HLX: variants seen among roughly 807,000 people sequenced by gnomAD.
HLX encodes H2.0 like homeobox.
In HLX, 6 loss-of-function variants were observed where a neutral mutation model predicts 27.7. The observed-to-expected ratio is 0.22, with a 90% CI of 0.12 to 0.43. The LOEUF (loss-of-function observed/expected upper bound fraction) is 0.43, where lower values mean the gene tolerates loss of function less well. HLX is among the 20% of genes least tolerant of loss of function. The probability of loss-of-function intolerance (pLI) is 1.00; values close to 1 mark genes in which losing one functional copy is unlikely to be tolerated. For missense variants in HLX, 666 were observed against 655.2 expected (o/e 1.02, Z -0.18); for synonymous variants, 328 against 293.8 (o/e 1.12, Z -1.19).
At chr1:220,883,303 A>G (rs1448279736) in intron 3 of HLX, 1 of 148,906 alleles carries the variant, frequency 6.7e-6, no homozygotes, top group Admixed American at 6.7e-5. Context: ...ACACACACAC[A>G]CACACACACA....
At position 220,880,088 on chromosome 1, in the gene HLX, C is replaced by A; in HGVS notation, c.231C>A (p.Gly77=). The change falls in exon 1 of 4, where the codon GGC becomes GGA. Residue 77 remains glycine (G), a synonymous_variant. Transcript: ENST00000366903. ...CCGCCGCCCTCACCGCGCACTTGGG[C>A]TCGGTTCACCCGCACGCCTCTTTCC... ...ASAAALTAHL[G]SVHPHASFQA... 6.3e-7 allele frequency: 1 copy of A among 1,594,838 alleles called. No individual in the cohort carries two copies.
intron 3 of HLX, 110 bp downstream of exon 3, chr1:220,882,458 G>C (rs1674478573): frequency 1.1e-6 from 1 of 950,048 alleles, no homozygotes; most frequent in South Asian, 1.5e-5. Context: ...CGGTGCAAAC[G>C]CAAGATCTTG....
Position 220,882,327 on chromosome 1 carries a change from G to C in HLX, c.936G>C (p.Met312Ile). The C allele has an allele frequency of 1.2e-6, 2 of 1,614,252 alleles. No individual in the cohort carries two copies. The highest frequency in any genetic ancestry group is 1.7e-6 in the Non-Finnish European group (2 of 1,180,044). The stretch of plus-strand genomic sequence containing the variant: ...CGGACCGAAAGCAGCTGGCGGCGAT[G>C]CTGGGCCTCACGGACGCACAGGTAA... ...TKPDRKQLAA[M>I]LGLTDAQVKV... The change falls in exon 3 of 4, where the codon ATG becomes ATC. Residue 312 changes from methionine to isoleucine, a missense_variant. By Grantham distance (10) the Met-to-Ile change is conservative (BLOSUM62 1). Coordinates refer to ENST00000366903, the MANE Select transcript of HLX (RefSeq NM_021958.4).
rs1464864811 is a variant in HLX, at chr1:220,880,348, G to T, written c.491G>T (p.Gly164Val). 1.2e-6 allele frequency: 2 copies of T among 1,614,054 alleles called. No individual in the cohort carries two copies. Among genetic ancestry groups the T allele is most frequent in the Admixed American group, 3.3e-5 (2 of 60,024 alleles). ...GTGGTTCCGAACCCCCACCACAGTGGCTCTGCCCCGGCCCCCTCCAGCAAA... is the reference window on the plus strand; with the variant it reads ...GTGGTTCCGAACCCCCACCACAGTGTCTCTGCCCCGGCCCCCTCCAGCAAA... Reference protein sequence around the residue: ...TRVVPNPHHSGSAPAPSSKDL... With the variant: ...TRVVPNPHHSVSAPAPSSKDL... The change falls in exon 1 of 4, where the codon GGC becomes GTC. Residue 164 changes from glycine (G) to valine (V), a missense_variant. By Grantham distance (109) the Gly-to-Val change is moderately radical. Coordinates refer to ENST00000366903, the MANE Select transcript of HLX (RefSeq NM_021958.4).
Position 220,879,708 on chromosome 1 carries a change from C to G in HLX, c.-150C>G. The G allele has an allele frequency of 3.2e-6, 4 of 1,251,566 alleles. No individual in the cohort carries two copies. The highest frequency in any genetic ancestry group is 4.2e-6 in the Non-Finnish European group (4 of 951,806). 77.5% of individuals were successfully genotyped at this position (1,251,566 alleles called of 1,614,324 possible). On this transcript the variant is annotated 5_prime_UTR_variant, in exon 1 of 4. Transcript: ENST00000366903. ...CTCCTCCCTCGGTGGCGCTAGGGCTCCCGGCCTCTCTTCCTCAGTGCGGGC... is the reference window on the plus strand; with the variant it reads ...CTCCTCCCTCGGTGGCGCTAGGGCTGCCGGCCTCTCTTCCTCAGTGCGGGC...
chr1:220,884,023 G>T lies in HLX; in HGVS notation c.958-172G>T. ...TTCCTGGCTTCTTGTGTTCCCCTGG[G>T]CTGCCCCTTGGCTCCTGCGCCTACC... On this transcript the variant is annotated intron_variant, in intron 3 of 3. Transcript: ENST00000366903. This position sits in a 1 kb window ranked among gnomAD's most constrained non-coding sequence, Gnocchi z 4.9. 1 of 670,886 alleles carries T rather than the reference G, an allele frequency of 1.5e-6. No individual in the cohort carries two copies. Among genetic ancestry groups the T allele is most frequent in the Non-Finnish European group, 2.6e-6 (1 of 384,664 alleles). The allele number at this position is 670,886 out of a possible 1,614,324, so 41.6% of individuals were successfully genotyped here.
intron 3 of HLX, 64 bp downstream of exon 3, chr1:220,882,412 G>A: frequency 1.3e-5 from 19 of 1,492,678 alleles, no homozygotes; most frequent in Non-Finnish European, 1.8e-5. Flanking sequence ...GGCCTAGTCT[G>A]GTAGGTCCCC....
Position 220,879,741 on chromosome 1 carries a change from C to G in HLX, c.-117C>G, listed in dbSNP as rs1375275354. On this transcript the variant is annotated 5_prime_UTR_variant, in exon 1 of 4. Coordinates refer to ENST00000366903, the MANE Select transcript of HLX (RefSeq NM_021958.4). ...CTCTTCCTCAGTGCGGGCGGAGAAG[C>G]GAAAGCGGATCGTCCTCGGCTGCCG... is the stretch of plus-strand genomic sequence containing the variant. 10 of 1,411,790 alleles carry G rather than the reference C, an allele frequency of 7.1e-6. No individual in the cohort carries two copies. Among genetic ancestry groups the G allele is most frequent in the Admixed American group, 2.9e-5 (1 of 34,702 alleles). The allele number at this position is 1,411,790 out of a possible 1,614,324, so 87.5% of individuals were successfully genotyped here. A position where few individuals can be genotyped will look rare whatever the true frequency, so the allele number is the denominator to read the frequency against.
At chr1:220,881,538 C>T (rs1342782895) in intron 2 of HLX, 165 bp downstream of exon 2, 2 of 717,236 alleles carry the variant, frequency 2.8e-6, no homozygotes, top group Non-Finnish European at 2.5e-6. Flanking sequence ...CGAGCTAGCG[C>T]TCGCTTCGGA....
At chr1:220,881,569 T>G in intron 2 of HLX, 196 bp downstream of exon 2, 2 of 630,270 alleles carry the variant, frequency 3.2e-6, no homozygotes. Flanking sequence ...TGAAAAGGGG[T>G]AGAGGCGCCT....
In HLX at chr1:220,879,715, T is replaced by G. The variant is rs563513480; in HGVS notation, c.-143T>G. 4.6e-6 allele frequency: 6 copies of G among 1,293,682 alleles called. No individual in the cohort carries two copies. Among genetic ancestry groups the G allele is most frequent in the Non-Finnish European group, 6.1e-6 (6 of 990,308 alleles). The allele number at this position is 1,293,682 out of a possible 1,614,324, so 80.1% of individuals were successfully genotyped here. A position where few individuals can be genotyped will look rare whatever the true frequency, so the allele number is the denominator to read the frequency against. The stretch of plus-strand genomic sequence containing the variant: ...CTCGGTGGCGCTAGGGCTCCCGGCC[T>G]CTCTTCCTCAGTGCGGGCGGAGAAG... On this transcript the variant is annotated 5_prime_UTR_variant, in exon 1 of 4. Coordinates refer to ENST00000366903, the MANE Select transcript of HLX (RefSeq NM_021958.4).
chr1:220,881,529 G>A (rs539544096), intron 2 of HLX, 156 bp downstream of exon 2: 53 of 735,712 alleles, frequency 7.2e-5, no homozygotes, highest in Non-Finnish European at 1.2e-4. Flanking sequence ...ATTTCTCAGC[G>A]AGCTAGCGCT....
At chr1:220,883,131 T>C (rs1225725783) in intron 3 of HLX, 1 of 149,166 alleles carries the variant, frequency 6.7e-6, no homozygotes, top group Admixed American at 6.7e-5. Flanking sequence ...AGAGTCACTC[T>C]TGTGCACCCC....
At chr1:220,880,650 C>T in intron 1 of HLX, 1 of 615,166 alleles carries the variant, frequency 1.6e-6, no homozygotes, top group South Asian at 2.0e-5. Flanking sequence ...AAAAATGACT[C>T]CAGGGATTCT....
rs1331363459 is a variant in HLX, at chr1:220,882,245, A to G, written c.854A>G (p.Asn285Ser). ...KRSWSRAVFS[N>S]LQRKGLEKRF... is the part of the protein sequence containing the mutation. ...TCATGGTCGCGCGCTGTGTTCTCCA[A>G]CCTGCAGAGGAAAGGCCTGGAGAAA... The change falls in exon 3 of 4, where the codon AAC becomes AGC. Residue 285 changes from asparagine to serine, a missense_variant. Coordinates refer to ENST00000366903, the MANE Select transcript of HLX (RefSeq NM_021958.4). 1.2e-6 allele frequency: 2 copies of G among 1,614,058 alleles called. No homozygotes were observed. The highest frequency in any genetic ancestry group is 3.3e-5 in the Admixed American group (2 of 60,002).
intron 2 of HLX, chr1:220,881,593 AGT>A (rs1674444812): frequency 1.7e-6 from 1 of 581,094 alleles, no homozygotes; most frequent in African/African-American, 1.9e-5. Context: ...GATCCCAGAA[AGT>A]GTGTGCGTGG....
In HLX at chr1:220,885,011, C is replaced by G; in HGVS notation, c.*307C>G. The G allele has an allele frequency of 2.2e-6, 1 of 449,924 alleles. No homozygotes were observed. 27.9% of individuals were successfully genotyped at this position (449,924 alleles called of 1,614,324 possible). A position where few individuals can be genotyped will look rare whatever the true frequency, so the allele number is the denominator to read the frequency against. On this transcript the variant is annotated 3_prime_UTR_variant, in exon 4 of 4. Coordinates refer to ENST00000366903, the MANE Select transcript of HLX (RefSeq NM_021958.4). ...CCCCAGAGGTCGTGGCTCAAAGGCA[C>G]TTAGGACGCCTTAAATTTGTAAATA... is the stretch of plus-strand genomic sequence containing the variant.
chr1:220,879,798 C>A lies in HLX; in HGVS notation c.-60C>A. 1 of 1,487,106 alleles carries A rather than the reference C, an allele frequency of 6.7e-7. No individual in the cohort carries two copies. The highest frequency in any genetic ancestry group is 1.4e-5 in the African/African-American group (1 of 69,302). The allele number at this position is 1,487,106 out of a possible 1,614,324, so 92.1% of individuals were successfully genotyped here. ...TCTCCGGGACTCGCGCGCCCCTCCC[C>A]GCGCGCCCACCCACCCAGTCCGGCT... On this transcript the variant is annotated 5_prime_UTR_variant, in exon 1 of 4. Coordinates refer to ENST00000366903, the MANE Select transcript of HLX (RefSeq NM_021958.4).
At chr1:220,881,813 C>T (rs1571712661) in intron 2 of HLX, 1 of 382,584 alleles carries the variant, frequency 2.6e-6, no homozygotes, top group South Asian at 2.2e-5. Flanking sequence ...CACACACACA[C>T]GAGATAATTC....
Sources: allele counts gnomAD v4.1 joint callset, GRCh38; gene constraint gnomAD v4.1.1; non-coding constraint Gnocchi (gnomAD v3.1); transcripts MANE v1.5; gene names NCBI Gene and HGNC (gene_info 2026-07-23, HGNC 2026-07-21).